Variants in PPFIA3 observed in about 807,000 individuals in gnomAD.
PPFIA3 encodes the protein PPFI scaffold protein A3, also known as liprin-alpha-3.
In PPFIA3, 26 loss-of-function variants were observed where a neutral mutation model predicts 145.8. The observed-to-expected ratio is 0.18, with a 90% confidence interval of 0.13 to 0.25. PPFIA3 has a LOEUF of 0.25. PPFIA3 is among the 10% of genes least tolerant of loss of function. PPFIA3 has a pLI of 1.00. For synonymous variants in PPFIA3, 645 were observed against 661.4 expected (o/e 0.98, Z 0.38); for missense variants, 1,008 against 1,587.8 (o/e 0.63, Z 6.21).
rs1415024027 is a variant in PPFIA3, at chr19:49,128,647, C to CT, written c.342+180dup. 1.2e-5 allele frequency: 9 copies of CT among 739,128 alleles called. No individual in the cohort carries two copies. Among genetic ancestry groups the CT allele is most frequent in the Non-Finnish European group, 1.8e-5 (8 of 456,690 alleles). The allele number at this position is 739,128 out of a possible 1,614,324, so 45.8% of individuals were successfully genotyped here. A position where few individuals can be genotyped will look rare whatever the true frequency, so the allele number is the denominator to read the frequency against. ...TCTCCCACTCTGGTGCCACTCCTTC[C>CT]TCCCTGTCTCCATAACTTTTCTCTT... On this transcript the variant is annotated intron_variant, in intron 3 of 29. Transcript: ENST00000334186. This position sits in a 1 kb window ranked among gnomAD's most constrained non-coding sequence, Gnocchi z 4.1.
intron 11 of PPFIA3, 103 bp downstream of exon 11, chr19:49,134,268 T>C: frequency 2.8e-6 from 4 of 1,438,076 alleles, no homozygotes; most frequent in Non-Finnish European, 3.7e-6. Context: ...ATCGGAGGCC[T>C]CCCTAAACCC....
chr19:49,120,813 C>T lies in PPFIA3; in HGVS notation c.-16+1091C>T, dbSNP rs914257028. ...ACCCAGGAGTTCAGACCCCAGCTTC[C>T]GTACTGCCCACCAGCTTTTACTGAG... On this transcript the variant is annotated intron_variant, in intron 1 of 29. Transcript: ENST00000334186. The surrounding 1 kb of genome is among the most constrained non-coding windows in gnomAD (Gnocchi z 4.6). Among the ~76,000 whole-genome samples the T allele has an allele frequency of 6.6e-6, 1 of 152,276 alleles. No homozygotes were observed. Among genetic ancestry groups the T allele is most frequent in the Admixed American group, 6.5e-5 (1 of 15,304 alleles).
Position 49,127,903 on chromosome 19 carries a change from C to T in PPFIA3, c.30C>T (p.Ser10=). ...TGTGCGAGGTGATGCCCACCATCAG[C>T]GAGGATGGCCGGCGGGGCTCGGCGC... MMCEVMPTI[S]EDGRRGSALG... Residue 10 remains serine, a synonymous_variant, in exon 2 of 30, where the codon AGC becomes AGT. Coordinates refer to ENST00000334186, the MANE Select transcript of PPFIA3 (RefSeq NM_003660.4). 6.3e-7 allele frequency: 1 copy of T among 1,593,026 alleles called. No individual in the cohort carries two copies. Among genetic ancestry groups the T allele is most frequent in the African/African-American group, 1.3e-5 (1 of 74,332 alleles).
chr19:49,127,383 TA>T (rs34030131), intron 1 of PPFIA3, among the ~76,000 whole-genome samples: 60 of 28,616 alleles, frequency 2.1e-3, no homozygotes, highest in Middle Eastern at 0.028. Context: ...TCACTCCAGC[TA>T]AAAAAAAAAA....
At chr19:49,127,705 GT>G (rs1310645892) in intron 1 of PPFIA3, among the ~76,000 whole-genome samples, 153 bp from the exon 2 acceptor site, 1 of 152,168 alleles carries the variant, frequency 6.6e-6, no homozygotes, top group Non-Finnish European at 1.5e-5. Flanking sequence ...GTTTCCCTGT[GT>G]CATGATCACA....
Position 49,128,695 on chromosome 19 carries a change from C to T in PPFIA3, c.343-153C>T. 1 of 854,160 alleles carries T rather than the reference C, an allele frequency of 1.2e-6. No individual in the cohort carries two copies. Among genetic ancestry groups the T allele is most frequent in the Admixed American group, 2.7e-5 (1 of 36,900 alleles). The allele number at this position is 854,160 out of a possible 1,614,324, so 52.9% of individuals were successfully genotyped here. On this transcript the variant is annotated intron_variant, in intron 3 of 29. Transcript: ENST00000334186. This position sits in a 1 kb window ranked among gnomAD's most constrained non-coding sequence, Gnocchi z 4.1. ...CTTTTCTGTACCACCGGTTCCTTGACCCCGACCTCCTCTCTTTTCCTGACC... is the reference window on the plus strand; with the variant it reads ...CTTTTCTGTACCACCGGTTCCTTGATCCCGACCTCCTCTCTTTTCCTGACC...
chr19:49,138,106 A>G (rs2041163200), intron 15 of PPFIA3, 99 bp from the exon 16 acceptor site: 3 of 1,419,050 alleles, frequency 2.1e-6, no homozygotes, highest in African/African-American at 2.9e-5. Flanking sequence ...CAGAATTCCC[A>G]TTGCCCCACC....
At position 49,150,346 on chromosome 19, in the gene PPFIA3, A is replaced by C. The variant is rs573183874; in HGVS notation, c.*124A>C. The C allele has an allele frequency of 1.5e-4, 87 of 593,670 alleles. 1 individual carries two copies. In the South Asian group the frequency reaches 1.7e-3, roughly 12 times the overall value. 36.8% of individuals were successfully genotyped at this position (593,670 alleles called of 1,614,324 possible). A position where few individuals can be genotyped will look rare whatever the true frequency, so the allele number is the denominator to read the frequency against. On this transcript the variant is annotated 3_prime_UTR_variant, in exon 30 of 30. Coordinates refer to ENST00000334186, the MANE Select transcript of PPFIA3 (RefSeq NM_003660.4). ...CGGGGGAGCTCGCGCCGAGGACTGG[A>C]CCATCTGTACAGACCAGCGGGAGTG...
intron 21 of PPFIA3, among the ~76,000 whole-genome samples, chr19:49,143,756 G>T (rs550486132): frequency 6.6e-6 from 1 of 152,174 alleles, no homozygotes; most frequent in Non-Finnish European, 1.5e-5. Context: ...AACTTTTGCT[G>T]TACTTGCTCT....
chr19:49,122,714 G>GTTTTTTTT (rs200075853), intron 1 of PPFIA3, among the ~76,000 whole-genome samples: 7 of 114,866 alleles, frequency 6.1e-5, no homozygotes, highest in Admixed American at 9.5e-5. Context: ...TTGTTTAGTT[G>GTTTTTTTT]TTTTTTTTTT....
chr19:49,123,122 G>C (rs2040957102), intron 1 of PPFIA3, among the ~76,000 whole-genome samples: 1 of 151,162 alleles, frequency 6.6e-6, no homozygotes, highest in Non-Finnish European at 1.5e-5. Flanking sequence ...TCTGCCTCCC[G>C]GGTTCAAACA....
In PPFIA3 at chr19:49,129,451, G is replaced by A. The variant is rs146296963; in HGVS notation, c.579G>A (p.Gln193=). The part of the protein sequence containing the change: ...VLEEELELSN[Q]ETLNLREQLS... ...AGGAGGAGCTGGAACTGAGCAATCA[G>A]GAGGTGTGGGTGTGGCCAAGACAGG... is the stretch of plus-strand genomic sequence containing the variant. Residue 193 remains glutamine, a synonymous_variant, in exon 5 of 30, where the codon CAG becomes CAA. Transcript: ENST00000334186. The A allele has an allele frequency of 1.9e-4, 296 of 1,553,308 alleles. No homozygotes were observed. The highest frequency in any genetic ancestry group is 1.3e-3 in the Middle Eastern group (6 of 4,600).
At chr19:49,132,975 C>T in intron 7 of PPFIA3, 26 bp from the exon 8 acceptor site, 1 of 1,603,858 alleles carries the variant, frequency 6.2e-7, no homozygotes, top group South Asian at 1.1e-5. Flanking sequence ...GCTCGCAGTC[C>T]ACGGGGCCCT....
Position 49,130,359 on chromosome 19 carries a change from C to T in PPFIA3, c.658-19C>T, listed in dbSNP as rs373656656. Reference sequence around the variant, plus strand: ...CCGGAGACACTCTGGGATCTTGTCCCCTCCTTCCCTCACTCCAGACTCTTG... The same window carrying T: ...CCGGAGACACTCTGGGATCTTGTCCTCTCCTTCCCTCACTCCAGACTCTTG... On this transcript the variant is annotated intron_variant, in intron 6 of 29. Coordinates refer to ENST00000334186, the MANE Select transcript of PPFIA3 (RefSeq NM_003660.4). The surrounding 1 kb of genome is among the most constrained non-coding windows in gnomAD (Gnocchi z 4.5). 41 of 1,574,590 alleles carry T rather than the reference C, an allele frequency of 2.6e-5. No individual in the cohort carries two copies. The highest frequency in any genetic ancestry group is 3.5e-5 in the Non-Finnish European group (41 of 1,157,242).
chr19:49,128,547 T>G lies in PPFIA3; in HGVS notation c.342+79T>G. 1 of 1,332,736 alleles carries G rather than the reference T, an allele frequency of 7.5e-7. No homozygotes were observed. Among genetic ancestry groups the G allele is most frequent in the Non-Finnish European group, 1.1e-6 (1 of 941,806 alleles). 82.6% of individuals were successfully genotyped at this position (1,332,736 alleles called of 1,614,324 possible). ...AGTGGGGGGCGGGGCCTCTCAGTGTTGCAGCGTGACCTATTTTTTTCCCCC... is the reference window on the plus strand; with the variant it reads ...AGTGGGGGGCGGGGCCTCTCAGTGTGGCAGCGTGACCTATTTTTTTCCCCC... On this transcript the variant is annotated intron_variant, in intron 3 of 29. Coordinates refer to ENST00000334186, the MANE Select transcript of PPFIA3 (RefSeq NM_003660.4). The surrounding 1 kb of genome is among the most constrained non-coding windows in gnomAD (Gnocchi z 4.1).
intron 20 of PPFIA3, among the ~76,000 whole-genome samples, chr19:49,142,404 A>G (rs2041233545): frequency 1.3e-5 from 2 of 151,556 alleles, no homozygotes; most frequent in Admixed American, 1.3e-4. Flanking sequence ...ATTTTTCGGC[A>G]CCATTCCCAT....
At position 49,148,909 on chromosome 19, in the gene PPFIA3, G is replaced by C. The variant is rs894542984; in HGVS notation, c.3110-84G>C. On this transcript the variant is annotated intron_variant, in intron 25 of 29. Coordinates refer to ENST00000334186, the MANE Select transcript of PPFIA3 (RefSeq NM_003660.4). ...CAGCGTGGGGGGCGTGGCCCGAAGA[G>C]ACCAAATGGAGGTGGAGGTATGGGC... 2.5e-5 allele frequency: 40 copies of C among 1,586,418 alleles called. 1 individual carries two copies. The South Asian group carries it at 3.9e-4, about 15-fold the overall frequency.
At chr19:49,150,004 G>T in intron 28 of PPFIA3, 76 bp from the exon 29 acceptor site, 1 of 1,497,272 alleles carries the variant, frequency 6.7e-7, no homozygotes. Flanking sequence ...GGGAAGGGAA[G>T]TCCAAAGGGA....
chr19:49,148,553 A>G, intron 24 of PPFIA3, 113 bp from the exon 25 acceptor site: 1 of 885,308 alleles, frequency 1.1e-6, no homozygotes, highest in South Asian at 1.5e-5. Flanking sequence ...AATAGAACTT[A>G]TCAGCTCCCC....
Sources: gnomAD v4.1 joint callset for allele counts (sites outside exome capture counted in the v4.1 genomes callset) on GRCh38, gnomAD v4.1.1 for gene constraint, Gnocchi (gnomAD v3.1) non-coding constraint, MANE v1.5 for transcripts, NCBI Gene and HGNC (gene_info 2026-07-23, HGNC 2026-07-21) for gene names.